NFE2L2: variants seen among roughly 807,000 people sequenced by gnomAD.
The protein encoded by NFE2L2 is NFE2 like bZIP transcription factor 2.
NFE2L2 carries 20 observed loss-of-function variants against 49.6 expected under a neutral mutation model. That is an observed-to-expected ratio of 0.40 (90% CI 0.28 to 0.59). The LOEUF is 0.59. NFE2L2 is among the 20% of genes least tolerant of loss of function. The pLI is 0.40. For synonymous variants in NFE2L2, 244 were observed against 256.5 expected (o/e 0.95, Z 0.47); for missense variants, 578 against 714.2 (o/e 0.81, Z 2.17).
intron 1 of NFE2L2, among the ~76,000 whole-genome samples, chr2:177,239,457 G>A (rs1689868594): frequency 6.6e-6 from 1 of 152,108 alleles, no homozygotes; most frequent in African/African-American, 2.4e-5. Context: ...CGGGCAGATC[G>A]CTTGTGCTCA....
intron 1 of NFE2L2, among the ~76,000 whole-genome samples, chr2:177,244,133 T>C (rs1690037418): frequency 6.6e-6 from 1 of 151,836 alleles, no homozygotes. Flanking sequence ...ACCCCGTCTC[T>C]ACTAAAAATA....
In NFE2L2 at chr2:177,230,678, T is replaced by C. The variant is rs1689507675; in HGVS notation, c.*107A>G. ...TTTTCTATACTAGTTTTGGCTATGA[T>C]TTTGCATAGAATTACTTATAAAGTA... On this transcript the variant is annotated 3_prime_UTR_variant, in exon 5 of 5. Transcript: ENST00000397062. 3 of 1,286,538 alleles carry C rather than the reference T, an allele frequency of 2.3e-6. No homozygotes were observed. The highest frequency in any genetic ancestry group is 3.1e-6 in the Non-Finnish European group (3 of 960,930). The allele number at this position is 1,286,538 out of a possible 1,614,324, so 79.7% of individuals were successfully genotyped here.
intron 1 of NFE2L2, chr2:177,263,793 G>A (rs1690833963): frequency 1.8e-5 from 18 of 985,362 alleles, no homozygotes; most frequent in Admixed American, 6.1e-5. Context: ...CTCCCCGGCC[G>A]AGAAAGTGCG....
intron 1 of NFE2L2, among the ~76,000 whole-genome samples, chr2:177,251,930 C>T (rs1010223668): frequency 4.3e-5 from 6 of 138,178 alleles, no homozygotes; most frequent in East Asian, 2.2e-4. Context: ...GGCGTGAACC[C>T]GGGAGGCGGA....
At chr2:177,242,555 C>G (rs1689975939) in intron 1 of NFE2L2, among the ~76,000 whole-genome samples, 1 of 152,204 alleles carries the variant, frequency 6.6e-6, no homozygotes, top group Admixed American at 6.5e-5. Context: ...TTCAATCTGG[C>G]AGGTTACTAT....
Position 177,232,581 on chromosome 2 carries a change from A to C in NFE2L2, c.405T>G (p.Val135=). 2 of 1,613,646 alleles carry C rather than the reference A, an allele frequency of 1.2e-6. No individual in the cohort carries two copies. Among genetic ancestry groups the C allele is most frequent in the Non-Finnish European group, 1.7e-6 (2 of 1,179,616 alleles). ...CAAGTGACTGAAACGTAGCCGAAGA[A>C]ACCTAAAATTGATAAGGCATTGATT... The part of the protein sequence containing the change: ...QTFPFVDDNE[V]SSATFQSLVP... Residue 135 remains valine, a splice_region_variant and synonymous_variant, in exon 4 of 5, where the codon GTT becomes GTG. Transcript: ENST00000397062.
chr2:177,252,411 T>C (rs182714514), intron 1 of NFE2L2, among the ~76,000 whole-genome samples: 94 of 152,280 alleles, frequency 6.2e-4, no homozygotes, highest in Non-Finnish European at 1.2e-3. Context: ...GAAAAGCTCA[T>C]AGGAGAGAAA....
In NFE2L2 at chr2:177,232,520, A is replaced by C; in HGVS notation, c.466T>G (p.Phe156Val). ...DIPGHIESPV[F>V]IATNQAQSPE... Reference sequence around the variant, plus strand: ...GACTGAGCCTGATTAGTAGCAATGAAGACTGGGCTCTCGATGTGACCGGGA... The same window carrying C: ...GACTGAGCCTGATTAGTAGCAATGACGACTGGGCTCTCGATGTGACCGGGA... Residue 156 changes from phenylalanine to valine, a missense_variant, in exon 4 of 5, where the codon TTC becomes GTC. Around this residue, in one of 3 missense-constraint regions of NFE2L2, gnomAD observed 368 missense variants for 384.6 expected, o/e 0.96. Transcript: ENST00000397062. The C allele has an allele frequency of 6.2e-7, 1 of 1,614,172 alleles. No individual in the cohort carries two copies. Among genetic ancestry groups the C allele is most frequent in the South Asian group, 1.1e-5 (1 of 91,088 alleles).
At position 177,231,503 on chromosome 2, in the gene NFE2L2, C is replaced by T; in HGVS notation, c.1100G>A (p.Gly367Glu). ...PEHSVESSSYGDTLLGLSDSE... is the reference protein window; with the variant it reads ...PEHSVESSSYEDTLLGLSDSE... Reference sequence around the variant, plus strand: ...ATCACTGAGGCCAAGTAGTGTGTCTCCATAGCTGGAAGATTCCACTGAGTG... The same window carrying T: ...ATCACTGAGGCCAAGTAGTGTGTCTTCATAGCTGGAAGATTCCACTGAGTG... Residue 367 changes from glycine (G) to glutamate (E), a missense_variant, in exon 5 of 5, where the codon GGA (glycine) becomes GAA (glutamate). Transcript: ENST00000397062. The T allele has an allele frequency of 1.2e-6, 2 of 1,614,206 alleles. No homozygotes were observed. Among genetic ancestry groups the T allele is most frequent in the Non-Finnish European group, 1.7e-6 (2 of 1,180,032 alleles).
chr2:177,257,274 C>T (rs1440941785), intron 1 of NFE2L2, among the ~76,000 whole-genome samples: 1 of 152,208 alleles, frequency 6.6e-6, no homozygotes, highest in Non-Finnish European at 1.5e-5. Flanking sequence ...AGCATTCTGT[C>T]CTCACTGGCT....
chr2:177,231,471 C>T lies in NFE2L2; in HGVS notation c.1132G>A (p.Val378Met). 5 of 1,614,264 alleles carry T rather than the reference C, an allele frequency of 3.1e-6. No individual in the cohort carries two copies. Among genetic ancestry groups the T allele is most frequent in the Non-Finnish European group, 4.2e-6 (5 of 1,180,042 alleles). Residue 378 changes from valine (V) to methionine (M), a missense_variant, in exon 5 of 5, where the codon GTG becomes ATG. Coordinates refer to ENST00000397062, the MANE Select transcript of NFE2L2 (RefSeq NM_006164.5). ...CCAGGGGCACTATCTAGCTCTTCCA[C>T]TTCAGAATCACTGAGGCCAAGTAGT... ...DTLLGLSDSE[V>M]EELDSAPGSV... is the part of the protein sequence containing the mutation.
At chr2:177,242,980 T>G (rs1167494487) in intron 1 of NFE2L2, among the ~76,000 whole-genome samples, 1 of 152,044 alleles carries the variant, frequency 6.6e-6, no homozygotes, top group Non-Finnish European at 1.5e-5. Flanking sequence ...TGTAAGGGTT[T>G]CACTACTTTG....
intron 1 of NFE2L2, among the ~76,000 whole-genome samples, chr2:177,261,178 A>AAAC (rs907067134): frequency 3.3e-5 from 5 of 151,334 alleles, no homozygotes; most frequent in African/African-American, 9.7e-5. Context: ...CTCAAAAAAA[A>AAAC]AAAAAAACAA....
intron 1 of NFE2L2, among the ~76,000 whole-genome samples, chr2:177,241,984 C>G (rs1047386711): frequency 1.3e-5 from 2 of 152,224 alleles, no homozygotes; most frequent in Non-Finnish European, 2.9e-5. Flanking sequence ...TGACTAATTA[C>G]ATTTCATAGA....
chr2:177,262,716 A>G (rs1214319103), intron 1 of NFE2L2, among the ~76,000 whole-genome samples: 1 of 152,048 alleles, frequency 6.6e-6, no homozygotes, highest in Non-Finnish European at 1.5e-5. Flanking sequence ...GTTATATTAC[A>G]CAGCAAAGAA....
rs1689514092 is a variant in NFE2L2, at chr2:177,230,778, C to T, written c.*7G>A. The T allele has an allele frequency of 6.4e-7, 1 of 1,570,818 alleles. No individual in the cohort carries two copies. Among genetic ancestry groups the T allele is most frequent in the Non-Finnish European group, 8.6e-7 (1 of 1,165,356 alleles). ...ACTAGCTCAGAAAAGGTCAAATCCT[C>T]CTAAATCTAGTTTTTCTTAACATCT... On this transcript the variant is annotated 3_prime_UTR_variant, in exon 5 of 5. Transcript: ENST00000397062.
At chr2:177,242,894 G>GTT (rs1452933700) in intron 1 of NFE2L2, among the ~76,000 whole-genome samples, 8 of 150,502 alleles carry the variant, frequency 5.3e-5, no homozygotes, top group African/African-American at 2.0e-4. Flanking sequence ...CCCCAAGGAG[G>GTT]TTTTGTTTTT....
rs71007982 is a variant in NFE2L2 at position 177,249,217 on chromosome 2, CATAAATAA to C, written c.46-14954_46-14947del. ...CTAGGCCACAGCAATACCCGGTCTC[CATAAATAA>C]ATAAATAAATAAATAAATAAATAAG... On this transcript the variant is annotated intron_variant, in intron 1 of 4. Coordinates refer to ENST00000397062, the MANE Select transcript of NFE2L2 (RefSeq NM_006164.5). Among the ~76,000 whole-genome samples the C allele has an allele frequency of 2.5e-3, 361 of 146,048 alleles. 3 individuals carry two copies. The highest frequency in any genetic ancestry group is 0.01 in the Middle Eastern group (3 of 290).
intron 1 of NFE2L2, among the ~76,000 whole-genome samples, chr2:177,257,840 G>C (rs957547718): frequency 1.4e-4 from 21 of 152,230 alleles, no homozygotes; most frequent in African/African-American, 5.1e-4. Context: ...AGCTCCTTAG[G>C]ACAATCTAAT....
Sources: gnomAD v4.1 joint callset for allele counts (sites outside exome capture counted in the v4.1 genomes callset) on GRCh38, gnomAD v4.1.1 for gene constraint, gnomAD v4.1.1 regional missense constraint, MANE v1.5 for transcripts, NCBI Gene and HGNC (gene_info 2026-07-23, HGNC 2026-07-21) for gene names.